The following SUCO variants were observed in gnomAD, a reference collection of about 807,000 sequenced individuals.
The protein encoded by SUCO is SUN domain-containing ossification factor.
SUCO carries 57 observed loss-of-function variants against 148.1 expected under a neutral mutation model. That is an observed-to-expected ratio of 0.38 (90% CI 0.31 to 0.48). SUCO has a LOEUF of 0.48. Among genes scored for constraint, SUCO ranks in the 20% least tolerant of loss-of-function variants. SUCO has a pLI of 0.96. For synonymous variants in SUCO, 470 were observed against 502.7 expected, an observed-to-expected ratio of 0.93 and a Z score of 0.87; for missense variants, 1,331 against 1,468.2, an observed-to-expected ratio of 0.91 and a Z score of 1.53.
chr1:172,587,605 A>G (rs889302877), intron 17 of SUCO, among the ~76,000 whole-genome samples: 1 of 152,014 alleles, frequency 6.6e-6, no homozygotes, highest in African/African-American at 2.4e-5. Context: ...ATATCTTTTT[A>G]TTTACCGAAG....
chr1:172,602,020 A>C (rs775633031), intron 20 of SUCO, 44 bp from the exon 21 acceptor site: 1 of 1,528,316 alleles, frequency 6.5e-7, no homozygotes, highest in Non-Finnish European at 8.8e-7. Flanking sequence ...ATTTTTCCTA[A>C]TATGATTTCC....
chr1:172,532,402 G>T (rs1188581125), upstream of SUCO: 1 of 1,209,296 alleles, frequency 8.3e-7, no homozygotes, highest in Non-Finnish European at 1.2e-6. Context: ...TTAAAGTGAG[G>T]AACCCGGCAA....
chr1:172,555,001 A>T (rs1217961217), intron 3 of SUCO, among the ~76,000 whole-genome samples: 7 of 152,036 alleles, frequency 4.6e-5, no homozygotes, highest in African/African-American at 1.7e-4. Flanking sequence ...TTTAATGCCT[A>T]GCTCTTCTAA....
chr1:172,591,548 T>G (rs1656674555), intron 19 of SUCO, among the ~76,000 whole-genome samples: 1 of 151,622 alleles, frequency 6.6e-6, no homozygotes, highest in African/African-American at 2.4e-5. Flanking sequence ...TCTGTCCTTG[T>G]GATAGTTTGC....
chr1:172,554,449 G>A (rs1482371037), intron 3 of SUCO, among the ~76,000 whole-genome samples: 1 of 152,160 alleles, frequency 6.6e-6, no homozygotes, highest in Non-Finnish European at 1.5e-5. Context: ...TTTACTGTAA[G>A]TGTAAAATAC....
At chr1:172,608,141 T>A (rs1204550432) in intron 22 of SUCO, 2 of 942,992 alleles carry the variant, frequency 2.1e-6, no homozygotes, top group African/African-American at 1.8e-5. Context: ...TTACTCACTA[T>A]GCCAGAAGTG....
chr1:172,608,900 C>A, intron 23 of SUCO, 98 bp downstream of exon 23: 1 of 795,090 alleles, frequency 1.3e-6, no homozygotes, highest in Non-Finnish European at 2.1e-6. Flanking sequence ...TTAAGTAGTC[C>A]TTAACTGAAT....
intron 6 of SUCO, among the ~76,000 whole-genome samples, chr1:172,563,075 A>G (rs915188771): frequency 6.6e-6 from 1 of 150,958 alleles, no homozygotes. Context: ...TTCCTGTACA[A>G]CCTAAGAAAC....
In SUCO at chr1:172,589,746, G is replaced by C; in HGVS notation, c.2645G>C (p.Arg882Thr). 2 of 1,612,338 alleles carry C rather than the reference G, an allele frequency of 1.2e-6. No homozygotes were observed. Among genetic ancestry groups the C allele is most frequent in the Non-Finnish European group, 1.7e-6 (2 of 1,179,266 alleles). The change falls in exon 18 of 24, where the codon AGG (arginine) becomes ACG (threonine). Residue 882 changes from arginine (R) to threonine (T), a missense_variant. By Grantham distance (71) the Arg-to-Thr change is moderately conservative (BLOSUM62 -1). Transcript: ENST00000263688. ...GATGCCCTTTTGAGAGGGTTACAGA[G>C]GACAGCTACAGATTTTTATGCTGAA... ...PEDALLRGLQRTATDFYAELQ... is the reference protein window; with the variant it reads ...PEDALLRGLQTTATDFYAELQ...
At chr1:172,585,787 GT>G in intron 16 of SUCO, 70 bp from the exon 17 acceptor site, 2 of 1,070,168 alleles carry the variant, frequency 1.9e-6, no homozygotes, top group Non-Finnish European at 2.7e-6. Flanking sequence ...CAAGAAATTT[GT>G]TTTAGTAAAA....
intron 22 of SUCO, 174 bp from the exon 23 acceptor site, chr1:172,608,573 T>G: frequency 1.6e-6 from 1 of 622,272 alleles, no homozygotes; most frequent in Non-Finnish European, 2.9e-6. Context: ...TGCCTCTTTT[T>G]GCTTACTAAT....
chr1:172,603,605 T>G (rs747692917), intron 22 of SUCO, among the ~76,000 whole-genome samples: 3 of 152,050 alleles, frequency 2.0e-5, no homozygotes, highest in Non-Finnish European at 4.4e-5. Flanking sequence ...TTCTTTTTCT[T>G]TTGGTTGATA....
In SUCO at chr1:172,557,631, T is replaced by G. The variant is rs781372435; in HGVS notation, c.582-13T>G. 7.0e-6 allele frequency: 11 copies of G among 1,574,488 alleles called. No homozygotes were observed. The highest frequency in any genetic ancestry group is 9.4e-6 in the Non-Finnish European group (11 of 1,165,052). ...AAATCTGTTTATTTAATATATCTTT[T>G]GGTTTTAAACAGCCTTGTTGGCCAG... On this transcript the variant is annotated splice_polypyrimidine_tract_variant and intron_variant, in intron 5 of 23. Coordinates refer to ENST00000263688, the MANE Select transcript of SUCO (RefSeq NM_014283.5).
chr1:172,594,727 G>C (rs1210205495), intron 19 of SUCO, among the ~76,000 whole-genome samples: 1 of 152,204 alleles, frequency 6.6e-6, no homozygotes, highest in East Asian at 1.9e-4. Flanking sequence ...GAATAATTTT[G>C]TGGTGCCGAA....
At chr1:172,574,140 CTG>C in intron 10 of SUCO, 142 bp downstream of exon 10, 1 of 605,268 alleles carries the variant, frequency 1.7e-6, no homozygotes, top group South Asian at 1.9e-5. Context: ...GATAATACGA[CTG>C]TATTGTAGGC....
intron 1 of SUCO, among the ~76,000 whole-genome samples, chr1:172,540,690 A>G (rs1444199410): frequency 6.6e-6 from 1 of 152,220 alleles, no homozygotes; most frequent in African/African-American, 2.4e-5. Flanking sequence ...CAGGAGCTTC[A>G]TGAGCTGAAA....
chr1:172,601,946 G>T, intron 20 of SUCO, 118 bp from the exon 21 acceptor site: 3 of 993,452 alleles, frequency 3.0e-6, no homozygotes, highest in South Asian at 2.5e-5. Context: ...TGCATTTCTG[G>T]TCTTTGAAGC....
intron 3 of SUCO, 73 bp downstream of exon 3, chr1:172,553,443 A>T: frequency 1.8e-6 from 2 of 1,134,974 alleles, no homozygotes; most frequent in African/African-American, 1.6e-5. Context: ...ACCTTTGGTC[A>T]CCATATTGTG....
chr1:172,567,036 A>G (rs1252976556), intron 6 of SUCO, among the ~76,000 whole-genome samples: 2 of 152,214 alleles, frequency 1.3e-5, no homozygotes, highest in East Asian at 1.9e-4. Context: ...TAGTAAATCA[A>G]CTTGTTCTGT....
Sources: allele counts gnomAD v4.1 joint callset (sites outside exome capture counted in the v4.1 genomes callset), GRCh38; gene constraint gnomAD v4.1.1; transcripts MANE v1.5; gene names NCBI Gene and HGNC (gene_info 2026-07-23, HGNC 2026-07-21).